The following KLF12 variants were observed in gnomAD, a reference collection of about 807,000 sequenced individuals.
The protein encoded by KLF12 is KLF transcription factor 12.
KLF12 carries 9 observed loss-of-function variants against 37.8 expected under a neutral mutation model. The observed-to-expected ratio is 0.24, with a 90% CI of 0.14 to 0.42. The LOEUF (loss-of-function observed/expected upper bound fraction) is 0.42, where lower values mean the gene tolerates loss of function less well. Among genes scored for constraint, KLF12 ranks in the 10% least tolerant of loss-of-function variants. The probability of loss-of-function intolerance (pLI) is 1.00; values close to 1 mark genes in which losing one functional copy is unlikely to be tolerated. For synonymous variants in KLF12, 208 were observed against 202.1 expected (o/e 1.03, Z -0.25); for missense variants, 411 against 516.0 (o/e 0.80, Z 1.97).
chr13:73,719,404 C>G (rs925861007), intron 6 of KLF12, among the ~76,000 whole-genome samples: 8 of 141,336 alleles, frequency 5.7e-5, no homozygotes, highest in Non-Finnish European at 9.1e-5. Context: ...TTTCCAGAAC[C>G]TAGGACATTG....
the KLF12 span, chr13:74,259,979 C>T: frequency 2.3e-4 from 35 of 152,184 alleles, no homozygotes; most frequent in African/African-American, 6.0e-4. Context: ...AACATTTTAA[C>T]GAATAATTGA....
chr13:73,688,144 C>G lies in KLF12; in HGVS notation c.*7346G>C, dbSNP rs1425692943. 6.6e-6 allele frequency: 1 copy of G among 152,580 alleles called. No individual in the cohort carries two copies. The highest frequency in any genetic ancestry group is 1.9e-4 in the East Asian group (1 of 5,184). 9.5% of individuals were successfully genotyped at this position (152,580 alleles called of 1,614,324 possible). A position where few individuals can be genotyped will look rare whatever the true frequency, so the allele number is the denominator to read the frequency against. On this transcript the variant is annotated 3_prime_UTR_variant, in exon 8 of 8. Coordinates refer to ENST00000377669, the MANE Select transcript of KLF12 (RefSeq NM_007249.5). ...CAGAAACACTATGAGAAATGACATT[C>G]TCTTAATGTTTTCTAAGTCCATTAG... is the stretch of plus-strand genomic sequence containing the variant.
intron 2 of KLF12, among the ~76,000 whole-genome samples, chr13:73,991,144 C>A (rs1410085500): frequency 6.6e-6 from 1 of 151,962 alleles, no homozygotes; most frequent in Non-Finnish European, 1.5e-5. Flanking sequence ...AAGGAGTGAC[C>A]CAATTCAAGA....
intron 1 of KLF12, among the ~76,000 whole-genome samples, chr13:74,029,396 T>C (rs983894394): frequency 3.9e-5 from 6 of 152,230 alleles, no homozygotes; most frequent in African/African-American, 1.2e-4. Flanking sequence ...ACGTTTCCCA[T>C]TAAATGTTTC....
intron 5 of KLF12, among the ~76,000 whole-genome samples, chr13:73,802,930 T>TAGTAAC (rs1410814815): frequency 3.3e-5 from 5 of 152,182 alleles, no homozygotes; most frequent in African/African-American, 4.8e-5. Flanking sequence ...TGTACACTAA[T>TAGTAAC]ATGGACATTT....
chr13:73,976,715 T>C (rs1891534327), intron 2 of KLF12, among the ~76,000 whole-genome samples: 1 of 152,186 alleles, frequency 6.6e-6, no homozygotes, highest in East Asian at 1.9e-4. Context: ...AGCTGGAGGA[T>C]GTATGTTAAA....
At chr13:73,810,286 C>A (rs926794188) in intron 5 of KLF12, among the ~76,000 whole-genome samples, 2 of 151,906 alleles carry the variant, frequency 1.3e-5, no homozygotes, top group African/African-American at 4.8e-5. Flanking sequence ...GAAAATTAAG[C>A]TCCAGTTCCT....
At chr13:73,805,234 A>G (rs929237250) in intron 5 of KLF12, among the ~76,000 whole-genome samples, 1 of 151,962 alleles carries the variant, frequency 6.6e-6, no homozygotes, top group African/African-American at 2.4e-5. Context: ...TAACAGCTGA[A>G]TTTTTTTTAT....
At chr13:73,729,977 C>G (rs1876942918) in intron 6 of KLF12, among the ~76,000 whole-genome samples, 1 of 152,096 alleles carries the variant, frequency 6.6e-6, no homozygotes, top group East Asian at 1.9e-4. Flanking sequence ...TCCCAGCCCC[C>G]TCCAGGATGT....
intron 1 of KLF12, among the ~76,000 whole-genome samples, chr13:74,046,635 A>C (rs934157233): frequency 1.3e-5 from 2 of 152,154 alleles, no homozygotes; most frequent in Non-Finnish European, 2.9e-5. Context: ...ACTGTAAGAG[A>C]TTACAATCAG....
chr13:73,712,398 C>T (rs998682859), intron 7 of KLF12, among the ~76,000 whole-genome samples: 3 of 147,992 alleles, frequency 2.0e-5, no homozygotes, highest in Admixed American at 6.7e-5. Flanking sequence ...TGAATTCCTG[C>T]AATCTCATGA....
chr13:73,893,285 T>G (rs1887600156), intron 3 of KLF12, among the ~76,000 whole-genome samples: 1 of 152,034 alleles, frequency 6.6e-6, no homozygotes, highest in Admixed American at 6.6e-5. Flanking sequence ...TAGGTTTAGT[T>G]GACTCAATTT....
At chr13:73,824,376 G>A (rs1883713143) in intron 4 of KLF12, among the ~76,000 whole-genome samples, 1 of 152,100 alleles carries the variant, frequency 6.6e-6, no homozygotes, top group South Asian at 2.1e-4. Flanking sequence ...ACACTGGAAA[G>A]CAGATATCTT....
intron 1 of KLF12, among the ~76,000 whole-genome samples, chr13:74,011,166 T>A (rs1013755246): frequency 2.9e-5 from 4 of 139,698 alleles, no homozygotes; most frequent in Non-Finnish European, 6.1e-5. Flanking sequence ...AACTCCTTCC[T>A]CCCCTTTCCA....
the KLF12 span, among the ~76,000 whole-genome samples, chr13:74,213,257 A>G: frequency 6.6e-6 from 1 of 151,238 alleles, no homozygotes; most frequent in Non-Finnish European, 1.5e-5. Context: ...GACTTTTTTT[A>G]TTTTTCTAGT....
intron 1 of KLF12, among the ~76,000 whole-genome samples, chr13:74,020,662 G>A (rs980354143): frequency 2.0e-5 from 3 of 152,030 alleles, no homozygotes; most frequent in Non-Finnish European, 2.9e-5. Context: ...AGGCCGAGGC[G>A]GGTGGATCAC....
chr13:73,763,966 G>A (rs548035571), intron 6 of KLF12, among the ~76,000 whole-genome samples: 1 of 152,100 alleles, frequency 6.6e-6, no homozygotes, highest in Admixed American at 6.6e-5. Context: ...GATTTCGTGG[G>A]GGAAGGGAGG....
intron 1 of KLF12, among the ~76,000 whole-genome samples, chr13:74,079,567 A>T (rs1874759333): frequency 6.6e-6 from 1 of 152,190 alleles, no homozygotes; most frequent in Admixed American, 6.5e-5. Context: ...AGAAATACTG[A>T]GTCCTTTTTC....
chr13:73,809,358 T>G (rs796776132), intron 5 of KLF12, among the ~76,000 whole-genome samples: 6 of 132,342 alleles, frequency 4.5e-5, no homozygotes, highest in African/African-American at 1.7e-4. Context: ...GTCATCAAGA[T>G]ACGGAAAGAC....
Sources: allele counts gnomAD v4.1 joint callset (sites outside exome capture counted in the v4.1 genomes callset), GRCh38; gene constraint gnomAD v4.1.1; transcripts MANE v1.5; gene names NCBI Gene and HGNC (gene_info 2026-07-23, HGNC 2026-07-21).